Variants in OSBP observed in about 807,000 individuals in gnomAD.
OSBP encodes oxysterol binding protein, also known as oxysterol-binding protein 1.
OSBP carries 32 observed loss-of-function variants against 96.6 expected under a neutral mutation model. The ratio of observed to expected loss-of-function variants is 0.33; its 90% CI spans 0.25 to 0.45. The LOEUF (loss-of-function observed/expected upper bound fraction) is 0.45, where lower values mean the gene tolerates loss of function less well. Among genes scored for constraint, OSBP ranks in the 20% least tolerant of loss-of-function variants. The pLI is 1.00. For synonymous variants in OSBP, 369 were observed against 389.6 expected, an observed-to-expected ratio of 0.95 and a Z score of 0.62; for missense variants, 653 against 1,029.7, an observed-to-expected ratio of 0.63 and a Z score of 5.01.
At chr11:59,604,389 A>G (rs376378830) in intron 3 of OSBP, among the ~76,000 whole-genome samples, 1 of 152,194 alleles carries the variant, frequency 6.6e-6, no homozygotes, top group East Asian at 1.9e-4. Context: ...CTATATAAAA[A>G]TTAAAAAAAG....
rs5792151 is a variant in OSBP, at chr11:59,574,654, CG to C, written c.*1922del. ...GGAATTCTCACTCTATCCAAAGCCC[CG>C]GATGAGGTCACTGCTTTTATGAGCC... On this transcript the variant is annotated 3_prime_UTR_variant, in exon 14 of 14. Coordinates refer to ENST00000263847, the MANE Select transcript of OSBP (RefSeq NM_002556.3). 0.16 allele frequency: 24,941 copies of C among 152,384 alleles called. 2,156 individuals carry two copies. The highest frequency in any genetic ancestry group is 0.23 in the Middle Eastern group (69 of 294). 9.4% of individuals were successfully genotyped at this position (152,384 alleles called of 1,614,324 possible).
chr11:59,593,352 T>C (rs1483551659), intron 9 of OSBP: 5 of 393,780 alleles, frequency 1.3e-5, no homozygotes, highest in Non-Finnish European at 2.3e-5. Context: ...GTGTTCTAAA[T>C]AGTGCTTAGA....
intron 7 of OSBP, among the ~76,000 whole-genome samples, chr11:59,598,746 C>T (rs1195489122): frequency 6.6e-6 from 1 of 152,142 alleles, no homozygotes; most frequent in Non-Finnish European, 1.5e-5. Context: ...TGCACCACCA[C>T]ACCCGTTTAA....
intron 3 of OSBP, 32 bp from the exon 4 acceptor site, chr11:59,601,870 C>T: frequency 6.3e-7 from 1 of 1,598,824 alleles, no homozygotes; most frequent in Non-Finnish European, 8.6e-7. Context: ...TGTGTCAGCT[C>T]AACTAGTCAG....
chr11:59,595,942 TAAAA>T (rs1205789657), intron 7 of OSBP, among the ~76,000 whole-genome samples: 1 of 125,848 alleles, frequency 7.9e-6, no homozygotes, highest in Non-Finnish European at 1.7e-5. Flanking sequence ...AGACTCTGTC[TAAAA>T]ATAAATAAAT....
At chr11:59,602,184 G>A (rs1860732727) in intron 3 of OSBP, among the ~76,000 whole-genome samples, 1 of 152,206 alleles carries the variant, frequency 6.6e-6, no homozygotes, top group South Asian at 2.1e-4. Context: ...CTGACTGAAA[G>A]AAGGATGAGA....
intron 7 of OSBP, among the ~76,000 whole-genome samples, chr11:59,595,998 A>AAT (rs1235549819): frequency 6.7e-6 from 1 of 149,828 alleles, no homozygotes; most frequent in Non-Finnish European, 1.5e-5. Flanking sequence ...TAAATAAATA[A>AAT]AATTCATAAA....
intron 9 of OSBP, among the ~76,000 whole-genome samples, chr11:59,585,546 G>T (rs1590669020): frequency 6.6e-6 from 1 of 151,080 alleles, no homozygotes; most frequent in South Asian, 2.1e-4. Context: ...GGGAGGTTGG[G>T]GGGGTCAGCC....
At chr11:59,613,215 T>A (rs1194234683) in intron 1 of OSBP, among the ~76,000 whole-genome samples, 1 of 152,218 alleles carries the variant, frequency 6.6e-6, no homozygotes, top group Non-Finnish European at 1.5e-5. Context: ...CTGGTTTGTT[T>A]ATGGGTGGGA....
rs1860618662 is a variant in OSBP, at chr11:59,594,112, G to C, written c.1455C>G (p.Ser485=). The part of the protein sequence containing the change: ...YVAAFTVSSY[S]TTVFRTSKPF... ...GCTTACTGGTGCGGAAGACAGTAGTGGAGTAGGAGGACACGGTGAAAGCTG... is the reference window on the plus strand; with the variant it reads ...GCTTACTGGTGCGGAAGACAGTAGTCGAGTAGGAGGACACGGTGAAAGCTG... The change falls in exon 8 of 14, where the codon TCC becomes TCG. Residue 485 remains serine (S), a synonymous_variant. Coordinates refer to ENST00000263847, the MANE Select transcript of OSBP (RefSeq NM_002556.3). The C allele has an allele frequency of 6.2e-7, 1 of 1,614,092 alleles. No homozygotes were observed. Among genetic ancestry groups the C allele is most frequent in the East Asian group, 2.2e-5 (1 of 44,872 alleles).
chr11:59,606,666 C>T (rs771254383), intron 3 of OSBP, among the ~76,000 whole-genome samples: 1 of 152,150 alleles, frequency 6.6e-6, no homozygotes, highest in Non-Finnish European at 1.5e-5. Flanking sequence ...TGCACACGTG[C>T]CCCTTGAATC....
At chr11:59,593,901 T>C (rs1292787335) in intron 8 of OSBP, 109 bp downstream of exon 8, 2 of 1,459,546 alleles carry the variant, frequency 1.4e-6, no homozygotes, top group Non-Finnish European at 1.8e-6. Flanking sequence ...GAATAAAAGC[T>C]GGGATGACAG....
rs567930669 is a variant in OSBP, at chr11:59,583,773, T to C, written c.1679-2219A>G. ...ATCCTGCCTCAGCCTCCCGAGTAGC[T>C]GGGGTTAAGGTGCCCACCACCACAC... On this transcript the variant is annotated intron_variant, in intron 9 of 13. Coordinates refer to ENST00000263847, the MANE Select transcript of OSBP (RefSeq NM_002556.3). Among the ~76,000 whole-genome samples the C allele has an allele frequency of 4.0e-5, 6 of 150,664 alleles. No individual in the cohort carries two copies. The Admixed American group carries it at 4.0e-4, about 10-fold the overall frequency.
intron 1 of OSBP, 89 bp downstream of exon 1, chr11:59,615,214 G>A (rs553631615): frequency 3.8e-5 from 43 of 1,135,154 alleles, no homozygotes; most frequent in Non-Finnish European, 4.8e-5. Flanking sequence ...AACCCTGGCT[G>A]CGGTGCCGGC....
chr11:59,601,116 A>C lies in OSBP; in HGVS notation c.1124+167T>G, dbSNP rs557318053. Among the ~76,000 whole-genome samples the C allele has an allele frequency of 0.039, 202 of 5,208 alleles. 1 individual carries two copies. Among genetic ancestry groups the C allele is most frequent in the Non-Finnish European group, 0.17 (172 of 1,014 alleles). 3.4% of individuals were successfully genotyped at this position (5,208 alleles called of 152,430 possible). A position where few individuals can be genotyped will look rare whatever the true frequency, so the allele number is the denominator to read the frequency against. The stretch of plus-strand genomic sequence containing the variant: ...CCATTCTACAAAGAGATCTTGAGAC[A>C]AAAAAAAAAAAAAAAAAAGGGAAAA... On this transcript the variant is annotated intron_variant, in intron 5 of 13. Coordinates refer to ENST00000263847, the MANE Select transcript of OSBP (RefSeq NM_002556.3).
At chr11:59,602,919 C>T (rs773163577) in intron 3 of OSBP, among the ~76,000 whole-genome samples, 17 of 152,140 alleles carry the variant, frequency 1.1e-4, no homozygotes, top group Non-Finnish European at 2.4e-4. Flanking sequence ...TGTGCCCAGT[C>T]GTGGACACAG....
At chr11:59,599,748 C>T (rs1310943220) in intron 7 of OSBP, among the ~76,000 whole-genome samples, 1 of 152,144 alleles carries the variant, frequency 6.6e-6, no homozygotes, top group Non-Finnish European at 1.5e-5. Flanking sequence ...TGACAAAAGT[C>T]TAGGCAGAAA....
intron 3 of OSBP, among the ~76,000 whole-genome samples, chr11:59,605,234 C>G (rs1386488182): frequency 6.6e-6 from 1 of 152,142 alleles, no homozygotes; most frequent in South Asian, 2.1e-4. Context: ...TTGGTATGAT[C>G]TGCAGCCCTT....
In OSBP at chr11:59,600,481, G is replaced by A. The variant is rs774646175; in HGVS notation, c.1311+15C>T. On this transcript the variant is annotated intron_variant, in intron 7 of 13. Coordinates refer to ENST00000263847, the MANE Select transcript of OSBP (RefSeq NM_002556.3). ...AGGAACTCCTGGCAGCAGCTCCAGT[G>A]TGCAAGAACCTTACCGGCATGGGGA... 15 of 1,613,098 alleles carry A rather than the reference G, an allele frequency of 9.3e-6. No homozygotes were observed. The highest frequency in any genetic ancestry group is 1.6e-4 in the Middle Eastern group (1 of 6,080).
Sources: allele counts gnomAD v4.1 joint callset (sites outside exome capture counted in the v4.1 genomes callset), GRCh38; gene constraint gnomAD v4.1.1; transcripts MANE v1.5; gene names NCBI Gene and HGNC (gene_info 2026-07-23, HGNC 2026-07-21).